The following SLC35F3 variants were observed in gnomAD, a reference collection of about 807,000 sequenced individuals.
The protein encoded by SLC35F3 is solute carrier family 35 member F3.
A neutral mutation model predicts 49.9 loss-of-function variants in SLC35F3; 25 were observed. That is an observed-to-expected ratio of 0.50 (90% CI 0.37 to 0.70). The LOEUF is 0.70. Among genes scored for constraint, SLC35F3 ranks in the 30% least tolerant of loss-of-function variants. The pLI, the probability that SLC35F3 is intolerant of heterozygous loss-of-function variation, is 0.00. For synonymous variants in SLC35F3, 275 were observed against 265.4 expected (o/e 1.04, Z -0.35); for missense variants, 525 against 639.8 (o/e 0.82, Z 1.94).
intron 3 of SLC35F3, among the ~76,000 whole-genome samples, chr1:234,235,413 A>AG (rs1159332158): frequency 6.6e-6 from 1 of 152,308 alleles, no homozygotes; most frequent in East Asian, 1.9e-4. Context: ...CCTAGCATCT[A>AG]GGGGAGGCAC....
chr1:234,285,189 G>A (rs193210410), intron 3 of SLC35F3: 252 of 369,838 alleles, frequency 6.8e-4, no homozygotes, highest in African/African-American at 4.0e-3. Flanking sequence ...TTCACACTAC[G>A]TGTAGACTCA....
intron 2 of SLC35F3, among the ~76,000 whole-genome samples, chr1:234,109,131 T>G (rs1665367491): frequency 6.7e-6 from 1 of 148,976 alleles, no homozygotes; most frequent in African/African-American, 2.6e-5. Flanking sequence ...CAGTCTTCTT[T>G]ATGTGTGCAT....
chr1:233,945,548 C>G (rs74828191), intron 2 of SLC35F3, among the ~76,000 whole-genome samples: 2,007 of 152,284 alleles, frequency 0.013, 29 homozygotes, highest in African/African-American at 0.045. Flanking sequence ...TGATTTTGAG[C>G]AAATTGTTCA....
At chr1:233,965,223 CAAAG>C (rs1662883844) in intron 2 of SLC35F3, among the ~76,000 whole-genome samples, 2 of 152,138 alleles carry the variant, frequency 1.3e-5, no homozygotes, top group African/African-American at 4.8e-5. Flanking sequence ...AAATTTGACT[CAAAG>C]AAGGAAGGGA....
chr1:234,123,555 G>T (rs948779844), intron 2 of SLC35F3, among the ~76,000 whole-genome samples: 3 of 151,114 alleles, frequency 2.0e-5, no homozygotes, highest in African/African-American at 7.3e-5. Context: ...GACTACAGGC[G>T]TGTGCCACCA....
At position 234,023,205 on chromosome 1, in the gene SLC35F3, A is replaced by G. The variant is rs181268073; in HGVS notation, c.283+117447A>G. ...ACACCCATTGCCATCTTGATTTCTA[A>G]TACCTGCCCCAATAAGTGAACCAGG... On this transcript the variant is annotated intron_variant, in intron 2 of 7. Coordinates refer to ENST00000366618, the MANE Select transcript of SLC35F3 (RefSeq NM_173508.4). Among the ~76,000 whole-genome samples, 398 of 152,314 alleles carry G rather than the reference A, an allele frequency of 2.6e-3. 1 individual carries two copies. Among genetic ancestry groups the G allele is most frequent in the African/African-American group, 9.0e-3 (374 of 41,562 alleles).
intron 2 of SLC35F3, among the ~76,000 whole-genome samples, chr1:234,010,896 A>T (rs895645942): frequency 6.6e-6 from 1 of 152,232 alleles, no homozygotes; most frequent in African/African-American, 2.4e-5. Context: ...GAGTCAATTC[A>T]TCAAAAGGAT....
intron 3 of SLC35F3, among the ~76,000 whole-genome samples, chr1:234,289,178 G>A (rs1668468001): frequency 6.6e-6 from 1 of 152,144 alleles, no homozygotes; most frequent in Non-Finnish European, 1.5e-5. Context: ...GGGTCCTGGG[G>A]CATACAAAAA....
intron 4 of SLC35F3, among the ~76,000 whole-genome samples, chr1:234,313,512 CAAAG>C (rs1657410509): frequency 6.6e-6 from 1 of 152,154 alleles, no homozygotes; most frequent in Admixed American, 6.5e-5. Context: ...GTTCCCTAGA[CAAAG>C]AAGAGGTGGT....
At chr1:234,199,423 C>T (rs898714376) in intron 2 of SLC35F3, among the ~76,000 whole-genome samples, 7 of 152,134 alleles carry the variant, frequency 4.6e-5, no homozygotes, top group Non-Finnish European at 1.0e-4. Context: ...GCTGGGAAAA[C>T]TGTATGTTCA....
At chr1:233,925,332 A>G (rs182789578) in intron 2 of SLC35F3, among the ~76,000 whole-genome samples, 5 of 152,282 alleles carry the variant, frequency 3.3e-5, no homozygotes, top group Admixed American at 6.5e-5. Flanking sequence ...TTGGGTGCAT[A>G]TATATTTATA....
At chr1:233,954,299 C>T (rs1248610321) in intron 2 of SLC35F3, among the ~76,000 whole-genome samples, 2 of 152,216 alleles carry the variant, frequency 1.3e-5, no homozygotes, top group Non-Finnish European at 2.9e-5. Context: ...AGCCACTGCT[C>T]CCGGCCTAGA....
At chr1:234,178,853 T>C (rs1666516404) in intron 2 of SLC35F3, among the ~76,000 whole-genome samples, 1 of 152,218 alleles carries the variant, frequency 6.6e-6, no homozygotes, top group Admixed American at 6.5e-5. Context: ...TTGACAAATG[T>C]CTAATGACAT....
chr1:234,114,809 G>C (rs1665459808), intron 2 of SLC35F3, among the ~76,000 whole-genome samples: 1 of 152,144 alleles, frequency 6.6e-6, no homozygotes, highest in South Asian at 2.1e-4. Flanking sequence ...TTTAAGCATG[G>C]CTTCCTTTAT....
intron 3 of SLC35F3, among the ~76,000 whole-genome samples, chr1:234,286,116 G>A (rs958400051): frequency 1.3e-5 from 2 of 152,116 alleles, no homozygotes; most frequent in Non-Finnish European, 2.9e-5. Flanking sequence ...CAAAAGGTCT[G>A]ATAATAACGT....
chr1:234,098,838 A>G (rs1415388085), intron 2 of SLC35F3, among the ~76,000 whole-genome samples: 8 of 97,476 alleles, frequency 8.2e-5, no homozygotes, highest in Non-Finnish European at 1.3e-4. Flanking sequence ...GGTGGTGACT[A>G]TGTTGGTGGT....
At chr1:234,222,554 C>G (rs1255508110) in intron 2 of SLC35F3, among the ~76,000 whole-genome samples, 1 of 152,212 alleles carries the variant, frequency 6.6e-6, no homozygotes, top group Admixed American at 6.5e-5. Flanking sequence ...TCCCCCATCC[C>G]CCCATAGCTG....
intron 2 of SLC35F3, among the ~76,000 whole-genome samples, chr1:234,157,070 A>G (rs1666165211): frequency 6.6e-6 from 1 of 152,190 alleles, no homozygotes; most frequent in Admixed American, 6.5e-5. Context: ...TAATTATGCC[A>G]AAAACCGTTG....
At chr1:234,228,158 A>AT (rs1481252784) in intron 2 of SLC35F3, among the ~76,000 whole-genome samples, 2 of 152,188 alleles carry the variant, frequency 1.3e-5, no homozygotes, top group Admixed American at 1.3e-4. Flanking sequence ...AAGATGAGGC[A>AT]TTGCAGAGTG....
Sources: allele counts gnomAD v4.1 joint callset (sites outside exome capture counted in the v4.1 genomes callset), GRCh38; gene constraint gnomAD v4.1.1; transcripts MANE v1.5; gene names NCBI Gene and HGNC (gene_info 2026-07-23, HGNC 2026-07-21).